FNDC3B: variants seen among roughly 807,000 people sequenced by gnomAD.
FNDC3B encodes fibronectin type III domain-containing protein 3B.
A neutral mutation model predicts 151.5 loss-of-function variants in FNDC3B; 12 were observed. That is an observed-to-expected ratio of 0.08 (90% CI 0.05 to 0.13). The LOEUF (loss-of-function observed/expected upper bound fraction) is 0.13, where lower values mean the gene tolerates loss of function less well. FNDC3B is among the 10% of genes least tolerant of loss of function. The pLI is 1.00. For synonymous variants in FNDC3B, 528 were observed against 549.0 expected, an observed-to-expected ratio of 0.96 and a Z score of 0.54; for missense variants, 1,214 against 1,505.3, an observed-to-expected ratio of 0.81 and a Z score of 3.20.
Position 172,372,033 on chromosome 3 carries a change from C to T in FNDC3B, c.3009-6237C>T, listed in dbSNP as rs1401108085. ...ATCCCTTTTAATTCTCTCAATAATG[C>T]TACAAGGTAGTTACTCTTATCGTAC... On this transcript the variant is annotated intron_variant, in intron 23 of 25. Coordinates refer to ENST00000415807, the MANE Select transcript of FNDC3B (RefSeq NM_022763.4). Among the ~76,000 whole-genome samples the T allele has an allele frequency of 2.0e-5, 3 of 152,182 alleles. No individual in the cohort carries two copies. In the South Asian group the frequency reaches 6.2e-4, roughly 31 times the overall value.
At chr3:172,306,869 T>C (rs1316563887) in intron 9 of FNDC3B, 1 of 152,708 alleles carries the variant, frequency 6.5e-6, no homozygotes, top group Non-Finnish European at 1.5e-5. Context: ...TCCCTAGTTT[T>C]ACATAAATGT....
intron 16 of FNDC3B, among the ~76,000 whole-genome samples, chr3:172,338,989 G>A (rs568194122): frequency 1.3e-5 from 2 of 151,808 alleles, no homozygotes; most frequent in African/African-American, 2.4e-5. Context: ...CACCCACCTC[G>A]GTCTTCCAAA....
intron 6 of FNDC3B, among the ~76,000 whole-genome samples, chr3:172,280,955 T>A (rs1729678931): frequency 6.6e-6 from 1 of 152,092 alleles, no homozygotes; most frequent in Non-Finnish European, 1.5e-5. Context: ...ACCTTCCTTT[T>A]ACTAAAAATG....
intron 25 of FNDC3B, among the ~76,000 whole-genome samples, chr3:172,395,122 T>G (rs1736209528): frequency 6.6e-6 from 1 of 152,228 alleles, no homozygotes; most frequent in Non-Finnish European, 1.5e-5. Flanking sequence ...ATGCCAGGTG[T>G]GTTTTAAGCA....
chr3:172,210,152 G>C (rs997682993), intron 3 of FNDC3B, among the ~76,000 whole-genome samples: 22 of 152,270 alleles, frequency 1.4e-4, no homozygotes, highest in Admixed American at 1.4e-3. Flanking sequence ...CAACTTGGTA[G>C]GGCACAGGGT....
At chr3:172,082,650 G>A (rs1273370220) in intron 1 of FNDC3B, among the ~76,000 whole-genome samples, 2 of 152,192 alleles carry the variant, frequency 1.3e-5, no homozygotes, top group Admixed American at 6.5e-5. Context: ...CACTGGAATT[G>A]TAACTGGAAA....
intron 2 of FNDC3B, among the ~76,000 whole-genome samples, chr3:172,127,607 A>G (rs1307904356): frequency 3.3e-5 from 5 of 152,248 alleles, no homozygotes; most frequent in Admixed American, 6.5e-5. Context: ...CATCATGCCA[A>G]ATTAATCTTA....
At chr3:172,072,771 G>A (rs1197235947) in intron 1 of FNDC3B, among the ~76,000 whole-genome samples, 1 of 152,164 alleles carries the variant, frequency 6.6e-6, no homozygotes, top group Non-Finnish European at 1.5e-5. Flanking sequence ...TTCTCCTACA[G>A]CCTGATGTTG....
intron 2 of FNDC3B, among the ~76,000 whole-genome samples, chr3:172,124,703 A>C (rs1424955805): frequency 2.6e-5 from 4 of 152,234 alleles, no homozygotes; most frequent in Non-Finnish European, 5.9e-5. Context: ...TTTTAGTCTC[A>C]ATCCAATCTC....
intron 11 of FNDC3B, 179 bp downstream of exon 11, chr3:172,311,060 A>G (rs1731451745): frequency 5.1e-6 from 3 of 584,544 alleles, no homozygotes; most frequent in Non-Finnish European, 9.2e-6. Flanking sequence ...AAGTAGTATT[A>G]TGAGTTGTGT....
chr3:172,093,972 C>G (rs1718975202), intron 1 of FNDC3B, among the ~76,000 whole-genome samples: 2 of 152,200 alleles, frequency 1.3e-5, no homozygotes, highest in African/African-American at 4.8e-5. Flanking sequence ...ATATTTTTAG[C>G]ATATTCATGT....
chr3:172,051,083 C>CTTT lies in FNDC3B; in HGVS notation c.-29+11326_-29+11328dup, dbSNP rs550247058. On this transcript the variant is annotated intron_variant, in intron 1 of 25. Coordinates refer to ENST00000415807, the MANE Select transcript of FNDC3B (RefSeq NM_022763.4). The stretch of plus-strand genomic sequence containing the variant: ...TAGATAACTTATCATTTTCTTTCTT[C>CTTT]TTTTTTTTTTTTTTTTGGAGATGGA... Among the ~76,000 whole-genome samples the CTTT allele has an allele frequency of 9.0e-4, 124 of 137,766 alleles. 1 individual carries two copies. Among genetic ancestry groups the CTTT allele is most frequent in the African/African-American group, 3.0e-3 (114 of 37,920 alleles). The allele number at this position is 137,766 out of a possible 152,430, so 90.4% of individuals were successfully genotyped here. A position where few individuals can be genotyped will look rare whatever the true frequency, so the allele number is the denominator to read the frequency against.
chr3:172,046,327 ATTT>A (rs540301448), intron 1 of FNDC3B, among the ~76,000 whole-genome samples: 1 of 151,478 alleles, frequency 6.6e-6, no homozygotes, highest in Non-Finnish European at 1.5e-5. Flanking sequence ...TTGGCTCCTA[ATTT>A]TTTTTCTTTT....
chr3:172,373,615 G>A (rs1734986638), intron 23 of FNDC3B, among the ~76,000 whole-genome samples: 1 of 152,146 alleles, frequency 6.6e-6, no homozygotes, highest in South Asian at 2.1e-4. Flanking sequence ...AAATTAAGTT[G>A]TCTTTTAAAA....
At chr3:172,263,996 G>A (rs1728793705) in intron 6 of FNDC3B, among the ~76,000 whole-genome samples, 1 of 151,874 alleles carries the variant, frequency 6.6e-6, no homozygotes, top group African/African-American at 2.4e-5. Context: ...TCTTTTATGG[G>A]TTGGGGGAGA....
intron 4 of FNDC3B, among the ~76,000 whole-genome samples, chr3:172,241,931 A>C (rs956309857): frequency 6.6e-6 from 1 of 152,232 alleles, no homozygotes; most frequent in African/African-American, 2.4e-5. Context: ...TAAGCCTATA[A>C]AATCAAAAGC....
At chr3:172,100,732 C>T (rs770005641) in intron 1 of FNDC3B, among the ~76,000 whole-genome samples, 9 of 152,188 alleles carry the variant, frequency 5.9e-5, no homozygotes, top group Admixed American at 2.6e-4. Flanking sequence ...GCTTTATGTT[C>T]GGTCACATTA....
intron 1 of FNDC3B, among the ~76,000 whole-genome samples, chr3:172,092,373 G>A (rs577212933): frequency 3.2e-4 from 48 of 152,336 alleles, no homozygotes; most frequent in African/African-American, 1.2e-3. Context: ...TTAACAAAAA[G>A]ATTCTTCCTT....
intron 11 of FNDC3B, among the ~76,000 whole-genome samples, chr3:172,313,500 A>T (rs891987188): frequency 1.3e-5 from 2 of 152,136 alleles, no homozygotes; most frequent in Non-Finnish European, 2.9e-5. Flanking sequence ...ATTTGGAATC[A>T]TTTTCACTGT....
Sources: allele counts gnomAD v4.1 joint callset (sites outside exome capture counted in the v4.1 genomes callset), GRCh38; gene constraint gnomAD v4.1.1; transcripts MANE v1.5; gene names NCBI Gene and HGNC (gene_info 2026-07-23, HGNC 2026-07-21).